The following CADM2 variants were observed in gnomAD, a reference collection of about 807,000 sequenced individuals.
The protein encoded by CADM2 is cell adhesion molecule 2, also known as immunoglobulin superfamily member 4D.
In CADM2, 12 loss-of-function variants were observed where a neutral mutation model predicts 49.8. The ratio of observed to expected loss-of-function variants is 0.24; its 90% CI spans 0.15 to 0.39. CADM2 has a LOEUF of 0.39. Among genes scored for constraint, CADM2 ranks in the 10% least tolerant of loss-of-function variants. The probability of loss-of-function intolerance (pLI) is 1.00; values close to 1 mark genes in which losing one functional copy is unlikely to be tolerated. For missense variants in CADM2, 378 were observed against 492.3 expected (o/e 0.77, Z 2.20); for synonymous variants, 214 against 175.4 (o/e 1.22, Z -1.74).
intron 1 of CADM2, among the ~76,000 whole-genome samples, chr3:85,702,764 T>C (rs1403288370): frequency 6.6e-6 from 1 of 152,188 alleles, no homozygotes; most frequent in East Asian, 1.9e-4. Flanking sequence ...TGTGTTTACT[T>C]GCTTGTTTTC....
chr3:85,577,422 G>A (rs553510459), intron 1 of CADM2, among the ~76,000 whole-genome samples: 1 of 152,194 alleles, frequency 6.6e-6, no homozygotes, highest in Admixed American at 6.5e-5. Flanking sequence ...CTCCTGCCCC[G>A]TTGCTCTCTC....
intron 1 of CADM2, among the ~76,000 whole-genome samples, chr3:85,145,282 T>G (rs930305051): frequency 6.6e-6 from 1 of 152,206 alleles, no homozygotes; most frequent in Admixed American, 6.5e-5. Flanking sequence ...TTGAAAACAG[T>G]GGTTGAATTT....
intron 1 of CADM2, among the ~76,000 whole-genome samples, chr3:84,962,351 C>T (rs1393929526): frequency 6.6e-6 from 1 of 151,846 alleles, no homozygotes; most frequent in African/African-American, 2.4e-5. Flanking sequence ...GGCTGCCTCA[C>T]ATTTATTCAT....
At chr3:85,305,532 T>C (rs1480142370) in intron 1 of CADM2, among the ~76,000 whole-genome samples, 1 of 151,646 alleles carries the variant, frequency 6.6e-6, no homozygotes, top group Non-Finnish European at 1.5e-5. Flanking sequence ...AACTAAATTA[T>C]AATGGAAATA....
At chr3:85,438,335 T>C (rs187978422) in intron 1 of CADM2, among the ~76,000 whole-genome samples, 118 of 150,298 alleles carry the variant, frequency 7.9e-4, no homozygotes, top group African/African-American at 2.7e-3. Flanking sequence ...CTGTATCTTA[T>C]GCATGTTGGG....
At chr3:85,507,983 A>G (rs923173682) in intron 1 of CADM2, among the ~76,000 whole-genome samples, 2 of 152,194 alleles carry the variant, frequency 1.3e-5, no homozygotes, top group African/African-American at 4.8e-5. Flanking sequence ...TTATTTTGGC[A>G]CAATAGTGAG....
At position 85,738,607 on chromosome 3, in the gene CADM2, C is replaced by A. The variant is rs551929260; in HGVS notation, c.88+12059C>A. Among the ~76,000 whole-genome samples, 59 of 152,232 alleles carry A rather than the reference C, an allele frequency of 3.9e-4. No individual in the cohort carries two copies. The Middle Eastern group carries it at 0.01, about 26-fold the overall frequency. ...CAAAATATGTGTTTAATGAGTATTT[C>A]TTTTATCACTATTTCAATCATCATA... On this transcript the variant is annotated intron_variant, in intron 2 of 9. Transcript: ENST00000383699.
intron 1 of CADM2, among the ~76,000 whole-genome samples, chr3:85,149,714 G>A (rs1265605999): frequency 3.9e-5 from 6 of 152,192 alleles, no homozygotes; most frequent in South Asian, 4.1e-4. Context: ...GCAACAGAGC[G>A]AGACTCCGTC....
intron 1 of CADM2, among the ~76,000 whole-genome samples, chr3:85,205,931 A>C (rs528094630): frequency 7.2e-5 from 11 of 152,190 alleles, no homozygotes; most frequent in Non-Finnish European, 8.8e-5. Flanking sequence ...CTAATTCAAA[A>C]ATAAAAACCT....
At chr3:85,994,687 A>G (rs1206314900) in intron 8 of CADM2, 3 of 152,074 alleles carry the variant, frequency 2.0e-5, no homozygotes, top group Non-Finnish European at 4.4e-5. Context: ...TAATTGGCCT[A>G]ATGTCAATGT....
intron 1 of CADM2, among the ~76,000 whole-genome samples, chr3:85,451,539 A>T (rs921018362): frequency 2.0e-5 from 3 of 152,032 alleles, no homozygotes; most frequent in African/African-American, 7.2e-5. Flanking sequence ...GTTTTCCCTT[A>T]AGATATTGGG....
At chr3:85,923,905 T>C (rs1719482713) in intron 6 of CADM2, among the ~76,000 whole-genome samples, 1 of 152,230 alleles carries the variant, frequency 6.6e-6, no homozygotes, top group South Asian at 2.1e-4. Context: ...TGTGATTAGT[T>C]GTTACTGTGT....
At chr3:86,043,815 A>G (rs1736270059) in intron 8 of CADM2, among the ~76,000 whole-genome samples, 1 of 152,330 alleles carries the variant, frequency 6.6e-6, no homozygotes, top group South Asian at 2.1e-4. Flanking sequence ...AAACTATACT[A>G]CAAGGCTACA....
intron 1 of CADM2, among the ~76,000 whole-genome samples, chr3:84,975,597 A>G (rs1373674985): frequency 2.6e-5 from 4 of 151,800 alleles, no homozygotes; most frequent in African/African-American, 9.7e-5. Context: ...GGGGAAAGGT[A>G]ATTTATATCC....
At chr3:85,918,706 C>G (rs775895304) in intron 6 of CADM2, among the ~76,000 whole-genome samples, 2 of 152,056 alleles carry the variant, frequency 1.3e-5, no homozygotes, top group Non-Finnish European at 2.9e-5. Context: ...CAATGAATCA[C>G]AAATACCTGC....
intron 2 of CADM2, among the ~76,000 whole-genome samples, chr3:85,740,622 T>C (rs1200260331): frequency 1.3e-5 from 2 of 152,188 alleles, no homozygotes; most frequent in Non-Finnish European, 2.9e-5. Flanking sequence ...TCTCTTTTTG[T>C]ATCTATGCAG....
intron 1 of CADM2, among the ~76,000 whole-genome samples, chr3:85,692,487 A>C (rs569904855): frequency 2.0e-3 from 303 of 152,360 alleles, no homozygotes; most frequent in African/African-American, 6.4e-3. Flanking sequence ...AGCTAGGTGA[A>C]GAAAATATTG....
chr3:85,434,326 C>T (rs1427611359), intron 1 of CADM2, among the ~76,000 whole-genome samples: 2 of 151,766 alleles, frequency 1.3e-5, no homozygotes, highest in Non-Finnish European at 2.9e-5. Context: ...TTACTATTTT[C>T]ATTTTTTCTT....
intron 1 of CADM2, among the ~76,000 whole-genome samples, chr3:85,102,872 C>T (rs978728745): frequency 1.3e-5 from 2 of 152,130 alleles, no homozygotes; most frequent in African/African-American, 2.4e-5. Flanking sequence ...AAGGAAAGGG[C>T]ACTCATAAAT....
Sources: allele counts gnomAD v4.1 joint callset (sites outside exome capture counted in the v4.1 genomes callset), GRCh38; gene constraint gnomAD v4.1.1; transcripts MANE v1.5; gene names NCBI Gene and HGNC (gene_info 2026-07-23, HGNC 2026-07-21).